PKD2L1: variants seen among roughly 807,000 people sequenced by gnomAD.
The protein encoded by PKD2L1 is polycystin-2-like protein 1.
Under a neutral mutation model 93.0 loss-of-function variants are expected in PKD2L1, and 77 were observed. The observed-to-expected ratio is 0.83, with a 90% CI of 0.69 to 1.00. The LOEUF (loss-of-function observed/expected upper bound fraction) is 1.00, where lower values mean the gene tolerates loss of function less well. Ranked by LOEUF, PKD2L1 falls within the 50% of genes least tolerant of loss-of-function variation. The probability of loss-of-function intolerance (pLI) is 0.00; values close to 1 mark genes in which losing one functional copy is unlikely to be tolerated. For missense variants in PKD2L1, 977 were observed against 990.9 expected (o/e 0.99, Z 0.19); for synonymous variants, 390 against 388.0 (o/e 1.01, Z -0.06).
chr10:100,319,284 T>C (rs1030084458), intron 2 of PKD2L1, among the ~76,000 whole-genome samples: 1 of 152,274 alleles, frequency 6.6e-6, no homozygotes, highest in African/African-American at 2.4e-5. Flanking sequence ...AAGCAGATGT[T>C]ATTCTCACTT....
intron 2 of PKD2L1, among the ~76,000 whole-genome samples, chr10:100,305,034 A>G (rs989350175): frequency 1.3e-5 from 2 of 152,178 alleles, no homozygotes; most frequent in African/African-American, 4.8e-5. Flanking sequence ...TGGTTGAACC[A>G]ACAGTGGAAA....
At position 100,330,078 on chromosome 10, in the gene PKD2L1, C is replaced by A. The variant is rs769116300; in HGVS notation, c.26G>T (p.Gly9Val). 8.2e-6 allele frequency: 13 copies of A among 1,594,298 alleles called. No homozygotes were observed. Among genetic ancestry groups the A allele is most frequent in the African/African-American group, 1.3e-5 (1 of 74,448 alleles). Residue 9 changes from glycine (G) to valine (V), a missense_variant, in exon 1 of 16, where the codon GGG (glycine) becomes GTG (valine). Coordinates refer to ENST00000318222, the MANE Select transcript of PKD2L1 (RefSeq NM_016112.3). ...ACTCCCCAGCTTTTGCAGCTCCTGCCCCTCAGGACTTCCCACAGCATTCAT... is the reference window on the plus strand; with the variant it reads ...ACTCCCCAGCTTTTGCAGCTCCTGCACCTCAGGACTTCCCACAGCATTCAT... MNAVGSPE[G>V]QELQKLGSGA...
chr10:100,296,027 T>G, intron 7 of PKD2L1, 95 bp downstream of exon 7: 1 of 1,112,158 alleles, frequency 9.0e-7, no homozygotes. Flanking sequence ...AGAGCGAGAC[T>G]CCATCTCAAA....
intron 2 of PKD2L1, among the ~76,000 whole-genome samples, chr10:100,301,961 A>G (rs1848688805): frequency 6.6e-6 from 1 of 152,118 alleles, no homozygotes; most frequent in African/African-American, 2.4e-5. Context: ...TCAGCCTCCC[A>G]AGTAGCTGGG....
chr10:100,309,128 G>C (rs151237513), intron 2 of PKD2L1, among the ~76,000 whole-genome samples: 19 of 152,158 alleles, frequency 1.2e-4, no homozygotes, highest in African/African-American at 3.4e-4. Context: ...ATCTTACAGA[G>C]ACAATTATTA....
In PKD2L1 at chr10:100,297,156, G is replaced by A. The variant is rs201503219; in HGVS notation, c.1009C>T (p.Arg337Cys). The change falls in exon 6 of 16, where the codon CGC becomes TGC. Residue 337 changes from arginine (R) to cysteine (C), a missense_variant. Coordinates refer to ENST00000318222, the MANE Select transcript of PKD2L1 (RefSeq NM_016112.3). Reference protein sequence around the residue: ...TGGAIPSWQIRTVKLIRYVSN... With the variant: ...TGGAIPSWQICTVKLIRYVSN... ...ACATAGCGGATCAGCTTGACTGTGCGGATTTGCCAGGATGGGATGGCACCT... is the reference window on the plus strand; with the variant it reads ...ACATAGCGGATCAGCTTGACTGTGCAGATTTGCCAGGATGGGATGGCACCT... The A allele has an allele frequency of 8.9e-5, 143 of 1,614,136 alleles. No individual in the cohort carries two copies. In the Middle Eastern group the frequency reaches 1.3e-3, roughly 15 times the overall value.
chr10:100,295,155 G>A, intron 7 of PKD2L1, 32 bp from the exon 8 acceptor site: 1 of 1,586,832 alleles, frequency 6.3e-7, no homozygotes, highest in Non-Finnish European at 8.6e-7. Flanking sequence ...AAGGGATGAA[G>A]AAGGAAAAGG....
intron 2 of PKD2L1, among the ~76,000 whole-genome samples, chr10:100,321,501 C>A (rs1037421812): frequency 6.9e-6 from 1 of 145,796 alleles, no homozygotes; most frequent in African/African-American, 2.6e-5. Context: ...ATAGCAACAC[C>A]CCATCTCTAC....
Position 100,298,929 on chromosome 10 carries a change from A to G in PKD2L1, c.478-114T>C. ...AGCTTGTCTCCAGTCTGCTTTTTAA[A>G]AAATTATTGTTATTATTATTATTAT... On this transcript the variant is annotated intron_variant, in intron 3 of 15. Transcript: ENST00000318222. 4 of 821,036 alleles carry G rather than the reference A, an allele frequency of 4.9e-6. No individual in the cohort carries two copies. In the South Asian group the frequency reaches 9.0e-5, roughly 18 times the overall value. The allele number at this position is 821,036 out of a possible 1,614,324, so 50.9% of individuals were successfully genotyped here. A position where few individuals can be genotyped will look rare whatever the true frequency, so the allele number is the denominator to read the frequency against.
chr10:100,293,419 C>T (rs754979292), intron 9 of PKD2L1, 40 bp from the exon 10 acceptor site: 3 of 1,306,172 alleles, frequency 2.3e-6, no homozygotes, highest in East Asian at 4.6e-5. Context: ...CACCCCCAGA[C>T]CCACTGAAAG....
At chr10:100,289,955 G>A in intron 14 of PKD2L1, 60 bp downstream of exon 14, 1 of 1,602,884 alleles carries the variant, frequency 6.2e-7, no homozygotes, top group Non-Finnish European at 8.5e-7. Context: ...CCCACTGAGT[G>A]GAAAAGATGG....
chr10:100,301,009 G>T (rs1036860828), intron 2 of PKD2L1, among the ~76,000 whole-genome samples: 4 of 152,166 alleles, frequency 2.6e-5, no homozygotes, highest in African/African-American at 9.7e-5. Context: ...TAAAGGGAAA[G>T]AGTACAAAAG....
intron 2 of PKD2L1, among the ~76,000 whole-genome samples, chr10:100,310,976 C>T (rs1175285026): frequency 6.6e-6 from 1 of 152,200 alleles, no homozygotes; most frequent in East Asian, 1.9e-4. Flanking sequence ...GGTAATCTGC[C>T]CTCCTTGGCC....
chr10:100,330,003 G>T lies in PKD2L1; in HGVS notation c.101C>A (p.Thr34Lys), dbSNP rs150975223. The T allele has an allele frequency of 1.2e-6, 2 of 1,613,692 alleles. No homozygotes were observed. Among genetic ancestry groups the T allele is most frequent in the African/African-American group, 1.3e-5 (1 of 74,902 alleles). Residue 34 changes from threonine to lysine, a missense_variant, in exon 1 of 16, where the codon ACG (threonine) becomes AAG (lysine). Coordinates refer to ENST00000318222, the MANE Select transcript of PKD2L1 (RefSeq NM_016112.3). ...GCTGGAGATGGTGCAGACTCTCAGC[G>T]TCCCGTGTGGGGAAGGGGGACCACT... Reference protein sequence around the residue: ...AYSGPPSPHGTLRVCTISSTG... With the variant: ...AYSGPPSPHGKLRVCTISSTG...
In PKD2L1 at chr10:100,297,400, T is replaced by C. The variant is rs140105589; in HGVS notation, c.938A>G (p.Asn313Ser). 107 of 1,613,484 alleles carry C rather than the reference T, an allele frequency of 6.6e-5. No individual in the cohort carries two copies. The highest frequency in any genetic ancestry group is 8.1e-5 in the Non-Finnish European group (95 of 1,179,648). The change falls in exon 5 of 16, where the codon AAT becomes AGT. Residue 313 changes from asparagine to serine, a missense_variant. By Grantham distance (46) the Asn-to-Ser change is conservative (BLOSUM62 1). Transcript: ENST00000318222. ...IDFSVYNANI[N>S]LFCVLRLVVE... ...GGCTCACCTCAGGACACAGAAAAGA[T>C]TGATATTGGCATTGTAGACTGAGAA...
intron 2 of PKD2L1, among the ~76,000 whole-genome samples, chr10:100,312,372 A>G (rs951783421): frequency 6.6e-6 from 1 of 152,202 alleles, no homozygotes; most frequent in African/African-American, 2.4e-5. Flanking sequence ...ATTCAGAGCC[A>G]AAAGCTTTTA....
At chr10:100,323,716 A>G (rs1849314599) in intron 2 of PKD2L1, among the ~76,000 whole-genome samples, 1 of 152,266 alleles carries the variant, frequency 6.6e-6, no homozygotes, top group Non-Finnish European at 1.5e-5. Flanking sequence ...GCTATTTTGA[A>G]AGATATAATA....
chr10:100,324,528 T>C (rs1849334203), intron 2 of PKD2L1, among the ~76,000 whole-genome samples: 1 of 152,212 alleles, frequency 6.6e-6, no homozygotes, highest in Non-Finnish European at 1.5e-5. Context: ...AATTACACAG[T>C]ATGTAACCTT....
Position 100,298,746 on chromosome 10 carries a change from C to T in PKD2L1, c.547G>A (p.Gly183Ser). ...KWYNNQSLGHGSHSFIYYENM... is the reference protein window; with the variant it reads ...KWYNNQSLGHSSHSFIYYENM... The stretch of plus-strand genomic sequence containing the variant: ...TCATAGTAGATGAAGGAGTGGGAGC[C>T]ATGGCCCAGGCTCTGGTTGTTGTAC... Residue 183 changes from glycine (G) to serine (S), a missense_variant, in exon 4 of 16, where the codon GGC (glycine) becomes AGC (serine). Gly to Ser is a moderately conservative substitution (Grantham distance 56, BLOSUM62 0). Coordinates refer to ENST00000318222, the MANE Select transcript of PKD2L1 (RefSeq NM_016112.3). The T allele has an allele frequency of 6.2e-7, 1 of 1,613,966 alleles. No homozygotes were observed. The highest frequency in any genetic ancestry group is 8.5e-7 in the Non-Finnish European group (1 of 1,180,008).
Sources: allele counts gnomAD v4.1 joint callset (sites outside exome capture counted in the v4.1 genomes callset), GRCh38; gene constraint gnomAD v4.1.1; transcripts MANE v1.5; gene names NCBI Gene and HGNC (gene_info 2026-07-23, HGNC 2026-07-21).